HPGDS: variants seen among roughly 807,000 people sequenced by gnomAD.
HPGDS encodes the protein hematopoietic prostaglandin D synthase.
HPGDS carries 26 observed loss-of-function variants against 23.1 expected under a neutral mutation model. The observed-to-expected ratio is 1.13, with a 90% CI of 0.83 to 1.56. The LOEUF (loss-of-function observed/expected upper bound fraction) is 1.56, where lower values mean the gene tolerates loss of function less well. Among genes scored for constraint, HPGDS ranks in the 40% most tolerant of loss-of-function variants. The pLI is 0.00. For synonymous variants in HPGDS, 95 were observed against 77.9 expected (o/e 1.22, Z -1.16); for missense variants, 268 against 236.4 (o/e 1.13, Z -0.88).
At chr4:94,300,362 T>C in intron 5 of HPGDS, among the ~76,000 whole-genome samples, 1 of 152,268 alleles carries the variant, frequency 6.6e-6, no homozygotes, top group East Asian at 1.9e-4. Context: ...CCTACCATTG[T>C]ACAGTTGTAT....
At chr4:94,313,414 T>C (rs2126038491) in intron 3 of HPGDS, among the ~76,000 whole-genome samples, 1 of 152,324 alleles carries the variant, frequency 6.6e-6, no homozygotes, top group Middle Eastern at 3.4e-3. Flanking sequence ...TTTGGCTGGA[T>C]ATGAAATTCT....
At chr4:94,328,724 A>G (rs1047696153) in intron 2 of HPGDS, among the ~76,000 whole-genome samples, 1 of 152,214 alleles carries the variant, frequency 6.6e-6, no homozygotes, top group Non-Finnish European at 1.5e-5. Context: ...TCAATGAAAC[A>G]TCATCTTTTT....
intron 2 of HPGDS, among the ~76,000 whole-genome samples, chr4:94,330,457 A>G (rs1756715406): frequency 6.6e-6 from 1 of 152,208 alleles, no homozygotes; most frequent in Non-Finnish European, 1.5e-5. Flanking sequence ...GACGTCTTTA[A>G]AGAAACTAGG....
At chr4:94,314,073 C>T (rs934990418) in intron 3 of HPGDS, among the ~76,000 whole-genome samples, 31 of 152,138 alleles carry the variant, frequency 2.0e-4, no homozygotes, top group African/African-American at 7.0e-4. Context: ...ACTCCTTTGC[C>T]ATGGGTTCAA....
intron 3 of HPGDS, among the ~76,000 whole-genome samples, chr4:94,310,728 G>A (rs1560586263): frequency 6.6e-6 from 1 of 152,180 alleles, no homozygotes; most frequent in Non-Finnish European, 1.5e-5. Flanking sequence ...ACCTTGGGCA[G>A]TATGGCCATT....
At chr4:94,327,560 G>A (rs938627167) in intron 2 of HPGDS, among the ~76,000 whole-genome samples, 4 of 152,154 alleles carry the variant, frequency 2.6e-5, no homozygotes, top group Non-Finnish European at 4.4e-5. Context: ...ATATTGGTGA[G>A]CTGGTCCCCG....
At chr4:94,340,305 C>T (rs867453161) in intron 1 of HPGDS, among the ~76,000 whole-genome samples, 43 of 26,206 alleles carry the variant, frequency 1.6e-3, no homozygotes, top group South Asian at 9.6e-3. Context: ...TTCTTTCTTT[C>T]TTTCTCTTTT....
At position 94,299,599 on chromosome 4, in the gene HPGDS, A is replaced by G. The variant is rs1019704887; in HGVS notation, c.481T>C (p.Leu161=). ...FYWEICSTTL[L]VFKPDLLDNH... ...TCTAACAGGTCAGGCTTAAAGACCA[A>G]AAGTGTGGTACTGCAAATCTCCCAG... Residue 161 remains leucine, a synonymous_variant, in exon 6 of 6, where the codon TTG becomes CTG. Coordinates refer to ENST00000295256, the MANE Select transcript of HPGDS (RefSeq NM_014485.3). 8.7e-6 allele frequency: 14 copies of G among 1,614,022 alleles called. No homozygotes were observed. The African/African-American group carries it at 1.1e-4, about 12-fold the overall frequency.
intron 2 of HPGDS, among the ~76,000 whole-genome samples, chr4:94,331,092 T>G (rs1756727908): frequency 6.6e-6 from 1 of 152,204 alleles, no homozygotes; most frequent in Non-Finnish European, 1.5e-5. Flanking sequence ...CAGCAGTATA[T>G]GAGTGGTTGA....
intron 2 of HPGDS, among the ~76,000 whole-genome samples, chr4:94,330,556 A>G (rs1437703254): frequency 6.6e-6 from 1 of 152,238 alleles, no homozygotes; most frequent in Non-Finnish European, 1.5e-5. Flanking sequence ...TATGAAAGCT[A>G]TAAGGAGACA....
chr4:94,309,271 T>TC (rs1487282283), intron 3 of HPGDS, among the ~76,000 whole-genome samples: 16 of 53,956 alleles, frequency 3.0e-4, no homozygotes, highest in Non-Finnish European at 4.9e-4. Flanking sequence ...CCCTCCCGCC[T>TC]CCCCCCACCC....
At chr4:94,302,910 T>G (rs1036601079) in intron 4 of HPGDS, among the ~76,000 whole-genome samples, 1 of 152,152 alleles carries the variant, frequency 6.6e-6, no homozygotes, top group Non-Finnish European at 1.5e-5. Flanking sequence ...GTCATCATTT[T>G]TCTACTTAAA....
chr4:94,331,977 T>C (rs1474580126), intron 2 of HPGDS, among the ~76,000 whole-genome samples: 1 of 152,126 alleles, frequency 6.6e-6, no homozygotes, highest in Non-Finnish European at 1.5e-5. Flanking sequence ...GTCTCCTGAT[T>C]GGTTCTTTCT....
intron 2 of HPGDS, among the ~76,000 whole-genome samples, chr4:94,324,781 C>A (rs1054783525): frequency 6.6e-6 from 1 of 152,226 alleles, no homozygotes; most frequent in Non-Finnish European, 1.5e-5. Flanking sequence ...AAGTCATTCT[C>A]CATCCAGCTT....
At chr4:94,333,023 T>G (rs567790728) in intron 2 of HPGDS, among the ~76,000 whole-genome samples, 1 of 152,318 alleles carries the variant, frequency 6.6e-6, no homozygotes, top group South Asian at 2.1e-4. Flanking sequence ...AACTCATATG[T>G]GCAATTTACC....
At chr4:94,314,505 G>T (rs964383745) in intron 3 of HPGDS, among the ~76,000 whole-genome samples, 2 of 152,170 alleles carry the variant, frequency 1.3e-5, no homozygotes, top group Middle Eastern at 3.2e-3. Flanking sequence ...TGGACGTTTT[G>T]TCTCAGAGGG....
At chr4:94,313,202 C>A (rs1756316899) in intron 3 of HPGDS, among the ~76,000 whole-genome samples, 1 of 152,122 alleles carries the variant, frequency 6.6e-6, no homozygotes, top group South Asian at 2.1e-4. Context: ...GGTTATTTTG[C>A]TCATTAGCTG....
intron 3 of HPGDS, 152 bp from the exon 4 acceptor site, chr4:94,308,895 TTACC>T: frequency 2.1e-6 from 1 of 481,532 alleles, no homozygotes; most frequent in Non-Finnish European, 3.7e-6. Flanking sequence ...TTTTGCTCCC[TTACC>T]TACCTACCTT....
intron 1 of HPGDS, among the ~76,000 whole-genome samples, chr4:94,341,046 A>T (rs981291995): frequency 6.6e-6 from 1 of 151,200 alleles, no homozygotes; most frequent in Non-Finnish European, 1.5e-5. Context: ...TGGTTTCGCC[A>T]TGTTGGCCAG....
Sources: gnomAD v4.1 joint callset for allele counts (sites outside exome capture counted in the v4.1 genomes callset) on GRCh38, gnomAD v4.1.1 for gene constraint, MANE v1.5 for transcripts, NCBI Gene and HGNC (gene_info 2026-07-23, HGNC 2026-07-21) for gene names.